Variants in MED13 observed in about 807,000 individuals in gnomAD.
The protein encoded by MED13 is mediator of RNA polymerase II transcription subunit 13.
Under a neutral mutation model 225.2 loss-of-function variants are expected in MED13, and 23 were observed. The ratio of observed to expected loss-of-function variants is 0.10; its 90% CI spans 0.07 to 0.14. The LOEUF (loss-of-function observed/expected upper bound fraction) is 0.14. Among genes scored for constraint, MED13 ranks in the 10% least tolerant of loss-of-function variants. MED13 has a pLI of 1.00. For synonymous variants in MED13, 942 were observed against 889.2 expected (o/e 1.06, Z -1.06); for missense variants, 2,197 against 2,594.5 (o/e 0.85, Z 3.33).
chr17:61,962,835 C>T lies in MED13; in HGVS notation c.4981G>A (p.Val1661Met), dbSNP rs2080014142. ...CATCGAAGTAGCCCCAATGTCCACA[C>T]ACTAGAAGAGTTAGTGCTCTCGTCT... is the stretch of plus-strand genomic sequence containing the variant. Reference protein sequence around the residue: ...NTDESTNSSSVWTLGLLRCFL... With the variant: ...NTDESTNSSSMWTLGLLRCFL... Residue 1661 changes from valine to methionine, a missense_variant, in exon 21 of 30, where the codon GTG becomes ATG. Coordinates refer to ENST00000397786, the MANE Select transcript of MED13 (RefSeq NM_005121.3). 1.2e-6 allele frequency: 2 copies of T among 1,614,012 alleles called. No individual in the cohort carries two copies. Among genetic ancestry groups the T allele is most frequent in the Non-Finnish European group, 1.7e-6 (2 of 1,180,010 alleles).
At chr17:62,020,024 G>A (rs1313186707) in intron 8 of MED13, among the ~76,000 whole-genome samples, 1 of 152,104 alleles carries the variant, frequency 6.6e-6, no homozygotes, top group East Asian at 1.9e-4. Context: ...GATTACAGGT[G>A]TGAACCACTG....
At chr17:61,971,271 T>G (rs555036541) in intron 17 of MED13, among the ~76,000 whole-genome samples, 1 of 150,728 alleles carries the variant, frequency 6.6e-6, no homozygotes. Flanking sequence ...TAAATAAATA[T>G]CTACTTTTTT....
chr17:62,042,689 T>C (rs979005331), intron 3 of MED13, among the ~76,000 whole-genome samples: 11 of 152,092 alleles, frequency 7.2e-5, no homozygotes, highest in Non-Finnish European at 1.5e-4. Flanking sequence ...TGGTTTTTAC[T>C]ATTTCCTGTA....
intron 11 of MED13, among the ~76,000 whole-genome samples, chr17:61,991,651 G>A (rs185701898): frequency 1.3e-5 from 2 of 152,202 alleles, no homozygotes; most frequent in African/African-American, 2.4e-5. Flanking sequence ...GGAACCATAG[G>A]CGCGTGCCTC....
chr17:61,965,877 A>T (rs2080053666), intron 19 of MED13, among the ~76,000 whole-genome samples: 5 of 152,190 alleles, frequency 3.3e-5, no homozygotes, highest in Admixed American at 3.3e-4. Context: ...ATGGGGTTCA[A>T]ATTATAGGAA....
intron 9 of MED13, chr17:62,004,322 CATAAT>C (rs1305710573): frequency 6.6e-6 from 1 of 152,094 alleles, no homozygotes; most frequent in African/African-American, 2.4e-5. Context: ...TTAGCAAATA[CATAAT>C]ATAATTTCAG....
In MED13 at chr17:61,946,336, A is replaced by C. The variant is rs922738077; in HGVS notation, c.*132T>G. 7 of 1,095,444 alleles carry C rather than the reference A, an allele frequency of 6.4e-6. No homozygotes were observed. The highest frequency in any genetic ancestry group is 7.6e-6 in the Non-Finnish European group (6 of 784,406). 67.9% of individuals were successfully genotyped at this position (1,095,444 alleles called of 1,614,324 possible). A position where few individuals can be genotyped will look rare whatever the true frequency, so the allele number is the denominator to read the frequency against. On this transcript the variant is annotated 3_prime_UTR_variant, in exon 30 of 30. Transcript: ENST00000397786. ...TAGCCCCTCCCCCCAAGTCAAAACA[A>C]TATTTGTTGAAGTAATAAGAATTAG...
chr17:62,002,666 T>C (rs889143606), intron 9 of MED13, among the ~76,000 whole-genome samples: 7 of 152,154 alleles, frequency 4.6e-5, no homozygotes, highest in Non-Finnish European at 8.8e-5. Context: ...CAGCAGGTAA[T>C]AAATTATCCA....
At position 61,999,409 on chromosome 17, in the gene MED13, T is replaced by C. The variant is rs182354765; in HGVS notation, c.1968-4044A>G. 6.3e-4 allele frequency among the ~76,000 whole-genome samples: 96 copies of C among 152,138 alleles called. No individual in the cohort carries two copies. In the Middle Eastern group the frequency reaches 0.01, roughly 16 times the overall value. On this transcript the variant is annotated intron_variant, in intron 9 of 29. Transcript: ENST00000397786. ...GTGCTAAACCCATGAAAAAAAGATA[T>C]AATGTTTCTTGCCAGAAATTTTGCT...
intron 3 of MED13, among the ~76,000 whole-genome samples, chr17:62,038,323 G>A (rs551553659): frequency 6.6e-6 from 1 of 152,230 alleles, no homozygotes; most frequent in African/African-American, 2.4e-5. Context: ...GAACATCTGA[G>A]CCTGAGAGGT....
At chr17:61,973,931 C>G (rs138179763) in intron 16 of MED13, among the ~76,000 whole-genome samples, 1 of 151,816 alleles carries the variant, frequency 6.6e-6, no homozygotes, top group South Asian at 2.1e-4. Context: ...TGCAGTGAGC[C>G]GAGATCATGG....
In MED13 at chr17:61,982,215, G is replaced by C. The variant is rs749510099; in HGVS notation, c.3788C>G (p.Pro1263Arg). Residue 1263 changes from proline (P) to arginine (R), a missense_variant, in exon 16 of 30, where the codon CCC becomes CGC. By Grantham distance (103) the Pro-to-Arg change is moderately radical. Around this residue, in one of 12 missense-constraint regions of MED13, gnomAD observed 203 missense variants for 209.7 expected, o/e 0.97. Coordinates refer to ENST00000397786, the MANE Select transcript of MED13 (RefSeq NM_005121.3). ...EALVKSSCLHPWSKRNDVSMQ... is the reference protein window; with the variant it reads ...EALVKSSCLHRWSKRNDVSMQ... ...TACTTTACCGTTTCTTTTGGACCAG[G>C]GGTGTAAGCATGAACTTTTCACAAG... The C allele has an allele frequency of 4.3e-6, 7 of 1,612,102 alleles. No individual in the cohort carries two copies. In the Admixed American group the frequency reaches 1.2e-4, roughly 27 times the overall value.
At position 61,943,054 on chromosome 17, in the gene MED13, T is replaced by C. The variant is rs2079826628; in HGVS notation, c.*3414A>G. 6.6e-6 allele frequency: 1 copy of C among 152,392 alleles called. No homozygotes were observed. Among genetic ancestry groups the C allele is most frequent in the Admixed American group, 6.6e-5 (1 of 15,260 alleles). 9.4% of individuals were successfully genotyped at this position (152,392 alleles called of 1,614,324 possible). A position where few individuals can be genotyped will look rare whatever the true frequency, so the allele number is the denominator to read the frequency against. On this transcript the variant is annotated 3_prime_UTR_variant, in exon 30 of 30. Transcript: ENST00000397786. ...TATACTCCACAAAAAAGAAAATACA[T>C]ACATAAAAATTTAAACCACAGTTCT...
intron 9 of MED13, among the ~76,000 whole-genome samples, chr17:61,996,609 T>C (rs1603399502): frequency 4.6e-5 from 7 of 152,150 alleles, no homozygotes; most frequent in Admixed American, 4.6e-4. Context: ...TCCAAATATC[T>C]GCATGGCCAA....
chr17:62,018,622 G>C (rs544771892), intron 8 of MED13, among the ~76,000 whole-genome samples: 1 of 151,156 alleles, frequency 6.6e-6, no homozygotes, highest in East Asian at 2.0e-4. Context: ...GCTGAGGCAC[G>C]AAAATCGCTC....
intron 9 of MED13, among the ~76,000 whole-genome samples, chr17:61,997,572 T>C (rs896350950): frequency 2.0e-5 from 3 of 152,178 alleles, no homozygotes; most frequent in Non-Finnish European, 4.4e-5. Context: ...TAAAATAATA[T>C]TTTAAGATAA....
At chr17:62,021,312 G>C (rs1343678691) in intron 8 of MED13, among the ~76,000 whole-genome samples, 1 of 108,938 alleles carries the variant, frequency 9.2e-6, no homozygotes, top group Non-Finnish European at 2.0e-5. Flanking sequence ...CTGGCCGGGC[G>C]GGGGGCTGAC....
At position 61,992,461 on chromosome 17, in the gene MED13, T is replaced by C. The variant is rs1452228753; in HGVS notation, c.2263+79A>G. 7 of 828,826 alleles carry C rather than the reference T, an allele frequency of 8.4e-6. No homozygotes were observed. In the Admixed American group the frequency reaches 1.0e-4, roughly 12 times the overall value. 51.3% of individuals were successfully genotyped at this position (828,826 alleles called of 1,614,324 possible). A position where few individuals can be genotyped will look rare whatever the true frequency, so the allele number is the denominator to read the frequency against. On this transcript the variant is annotated intron_variant, in intron 11 of 29. Coordinates refer to ENST00000397786, the MANE Select transcript of MED13 (RefSeq NM_005121.3). ...TAATGAATTATACAAAAAGGAACATTAGAAGTCCAACAATATCAGATCAGT... is the reference window on the plus strand; with the variant it reads ...TAATGAATTATACAAAAAGGAACATCAGAAGTCCAACAATATCAGATCAGT...
Position 61,955,581 on chromosome 17 carries a change from A to G in MED13, c.5783-14T>C. 6.5e-7 allele frequency: 1 copy of G among 1,545,582 alleles called. No homozygotes were observed. The highest frequency in any genetic ancestry group is 8.7e-7 in the Non-Finnish European group (1 of 1,152,258). ...TTGACACAGAATCTGAAAATGAAAG[A>G]CATTTTTTCTTTTAATAAACGAAGA... On this transcript the variant is annotated splice_polypyrimidine_tract_variant and intron_variant, in intron 25 of 29. Transcript: ENST00000397786.
Sources: allele counts gnomAD v4.1 joint callset (sites outside exome capture counted in the v4.1 genomes callset), GRCh38; gene constraint gnomAD v4.1.1; regional missense constraint gnomAD v4.1.1; transcripts MANE v1.5; gene names NCBI Gene and HGNC (gene_info 2026-07-23, HGNC 2026-07-21).